Variants in COL4A4 observed in about 807,000 individuals in gnomAD.
The protein encoded by COL4A4 is collagen type IV alpha 4 chain, also known as collagen alpha-4(IV) chain.
In COL4A4, 105 loss-of-function variants were observed where a neutral mutation model predicts 192.9. That is an observed-to-expected ratio of 0.54 (90% CI 0.46 to 0.64). COL4A4 has a LOEUF of 0.64. Ranked by LOEUF, COL4A4 falls within the 30% of genes least tolerant of loss-of-function variation. The pLI is 0.00. For synonymous variants in COL4A4, 762 were observed against 769.9 expected (o/e 0.99, Z 0.17); for missense variants, 1,967 against 2,169.3 (o/e 0.91, Z 1.85).
chr2:227,118,542 A>G, intron 7 of COL4A4, 103 bp downstream of exon 7: 1 of 906,466 alleles, frequency 1.1e-6, no homozygotes, highest in Middle Eastern at 2.1e-4. Context: ...ACAATGCTCC[A>G]GGCACACTTG....
At chr2:227,059,734 A>C in intron 27 of COL4A4, 111 bp from the exon 28 acceptor site, 2 of 851,036 alleles carry the variant, frequency 2.4e-6, no homozygotes, top group South Asian at 1.5e-5. Context: ...AGGGGTACTT[A>C]CTAAAATTAA....
chr2:227,016,375 A>G lies in COL4A4; in HGVS notation c.4217-4078T>C, dbSNP rs150883189. Among the ~76,000 whole-genome samples, 6 of 152,300 alleles carry G rather than the reference A, an allele frequency of 3.9e-5. No homozygotes were observed. In the East Asian group the frequency reaches 1.2e-3, roughly 29 times the overall value. Reference sequence around the variant, plus strand: ...TATGGATATCACACTGAATAAGACAATATCCTGCCCTCAAGCTTCTTACGG... The same window carrying G: ...TATGGATATCACACTGAATAAGACAGTATCCTGCCCTCAAGCTTCTTACGG... On this transcript the variant is annotated intron_variant, in intron 44 of 47. Transcript: ENST00000396625.
chr2:227,066,483 T>A (rs1380507191), intron 25 of COL4A4, among the ~76,000 whole-genome samples: 2 of 152,064 alleles, frequency 1.3e-5, no homozygotes, highest in Non-Finnish European at 2.9e-5. Context: ...CGGGTTACCC[T>A]CAAAGGGAAG....
chr2:226,989,952 G>T, the COL4A4 span, among the ~76,000 whole-genome samples: 10 of 152,168 alleles, frequency 6.6e-5, no homozygotes, highest in Non-Finnish European at 1.5e-4. Context: ...CTCCACTGTT[G>T]CAGTCTTGAT....
At chr2:227,041,987 G>A (rs527530912) in intron 37 of COL4A4, among the ~76,000 whole-genome samples, 161 bp downstream of exon 37, 34 of 152,254 alleles carry the variant, frequency 2.2e-4, no homozygotes, top group African/African-American at 5.5e-4. Flanking sequence ...GGCACTACCT[G>A]CAGCCCTGGC....
chr2:227,008,685 AT>A (rs2149726567), intron 46 of COL4A4, among the ~76,000 whole-genome samples: 1 of 152,378 alleles, frequency 6.6e-6, no homozygotes, highest in South Asian at 2.1e-4. Flanking sequence ...GGAATATGTG[AT>A]TTTAAGTTAG....
At chr2:227,139,096 C>T (rs1467069580) in intron 4 of COL4A4, among the ~76,000 whole-genome samples, 1 of 152,076 alleles carries the variant, frequency 6.6e-6, no homozygotes, top group African/African-American at 2.4e-5. Context: ...ATAAATGGGA[C>T]CCCAGAGGAC....
the COL4A4 span, among the ~76,000 whole-genome samples, chr2:226,986,201 A>T: frequency 6.6e-6 from 1 of 152,256 alleles, no homozygotes; most frequent in African/African-American, 2.4e-5. Flanking sequence ...GAAAGGACTC[A>T]GAAAGAGCCA....
intron 26 of COL4A4, among the ~76,000 whole-genome samples, chr2:227,061,489 A>G (rs547975400): frequency 6.6e-6 from 1 of 152,334 alleles, no homozygotes; most frequent in East Asian, 1.9e-4. Context: ...TTGCAACCCC[A>G]AACCTAACTT....
At chr2:227,018,085 GGGTGGTATATGTGGT>G (rs1965283426) in intron 44 of COL4A4, among the ~76,000 whole-genome samples, 1 of 152,150 alleles carries the variant, frequency 6.6e-6, no homozygotes, top group Non-Finnish European at 1.5e-5. Context: ...CCAATCTTGA[GGGTGGTATATGTGGT>G]GGTGGTATAT....
chr2:227,054,802 G>A (rs1287651490), intron 30 of COL4A4, 65 bp from the exon 31 acceptor site: 1 of 1,517,960 alleles, frequency 6.6e-7, no homozygotes, highest in East Asian at 2.5e-5. Flanking sequence ...TTTCAGGGGT[G>A]GGAGGTGGAC....
At chr2:227,030,312 G>T (rs1968001075) in intron 41 of COL4A4, 131 bp downstream of exon 41, 2 of 1,015,248 alleles carry the variant, frequency 2.0e-6, no homozygotes, top group Non-Finnish European at 3.0e-6. Context: ...ACTCTTTGGG[G>T]AAATAAGGAC....
intron 36 of COL4A4, 40 bp downstream of exon 36, chr2:227,043,037 A>G: frequency 3.5e-6 from 5 of 1,416,314 alleles, no homozygotes; most frequent in Non-Finnish European, 5.0e-6. Flanking sequence ...TCTGAGACAC[A>G]AGAGTGCTCA....
At chr2:227,065,692 C>A (rs2058286287) in intron 25 of COL4A4, among the ~76,000 whole-genome samples, 1 of 151,836 alleles carries the variant, frequency 6.6e-6, no homozygotes, top group African/African-American at 2.4e-5. Flanking sequence ...AACTAACAAA[C>A]AGAAAGGACA....
downstream of COL4A4, chr2:226,998,681 A>T (rs574024595): frequency 6.6e-6 from 1 of 152,264 alleles, no homozygotes; most frequent in South Asian, 2.1e-4. Context: ...ATACTTAACA[A>T]TACCTCCTCA....
chr2:227,153,339 C>T (rs545807100), intron 1 of COL4A4, among the ~76,000 whole-genome samples: 1 of 152,318 alleles, frequency 6.6e-6, no homozygotes, highest in Non-Finnish European at 1.5e-5. Context: ...ATTCCCTCTA[C>T]AGGAAACTTC....
At chr2:226,970,527 G>A in the COL4A4 span, among the ~76,000 whole-genome samples, 6 of 152,130 alleles carry the variant, frequency 3.9e-5, no homozygotes, top group African/African-American at 7.2e-5. Context: ...CAGAGGGCAC[G>A]GAAGCAGCCT....
intron 44 of COL4A4, among the ~76,000 whole-genome samples, chr2:227,017,945 T>A (rs1575778347): frequency 1.3e-5 from 2 of 152,134 alleles, no homozygotes; most frequent in East Asian, 3.8e-4. Context: ...TTTGTCTACT[T>A]GAGGCTGGAG....
intron 1 of COL4A4, among the ~76,000 whole-genome samples, chr2:227,148,840 CTTTT>C (rs567170955): frequency 7.2e-6 from 1 of 139,340 alleles, no homozygotes; most frequent in Admixed American, 7.3e-5. Context: ...ATGTTACCAA[CTTTT>C]TTTTTTTTTT....
Sources: allele counts gnomAD v4.1 joint callset (sites outside exome capture counted in the v4.1 genomes callset), GRCh38; gene constraint gnomAD v4.1.1; transcripts MANE v1.5; gene names NCBI Gene and HGNC (gene_info 2026-07-23, HGNC 2026-07-21).